PTK2: variants seen among roughly 807,000 people sequenced by gnomAD.
PTK2 encodes focal adhesion kinase 1.
PTK2 carries 45 observed loss-of-function variants against 150.1 expected under a neutral mutation model. That is an observed-to-expected ratio of 0.30 (90% confidence interval 0.24 to 0.38). The LOEUF (loss-of-function observed/expected upper bound fraction) is 0.38. PTK2 is among the 10% of genes least tolerant of loss of function. The probability of loss-of-function intolerance (pLI) is 1.00; values close to 1 mark genes in which losing one functional copy is unlikely to be tolerated. For missense variants in PTK2, 919 were observed against 1,307.3 expected (o/e 0.70, Z 4.58); for synonymous variants, 432 against 449.2 (o/e 0.96, Z 0.48).
chr8:140,738,932 T>C, intron 21 of PTK2, 86 bp downstream of exon 24: 1 of 921,916 alleles, frequency 1.1e-6, no homozygotes, highest in South Asian at 2.3e-5. Context: ...CAAATCAACC[T>C]ACATATTCCA....
At position 140,909,232 on chromosome 8, in the gene PTK2, T is replaced by C. The variant is rs547325730; in HGVS notation, c.-33+16429A>G. 1.9e-5 allele frequency: 3 copies of C among 154,396 alleles called. No homozygotes were observed. The East Asian group carries it at 5.8e-4, about 30-fold the overall frequency. 9.6% of individuals were successfully genotyped at this position (154,396 alleles called of 1,614,324 possible). ...GAAACTATACGCAGACAACCCACAGTAAGGATAATAATTTATTACAACAGC... is the reference window on the plus strand; with the variant it reads ...GAAACTATACGCAGACAACCCACAGCAAGGATAATAATTTATTACAACAGC... On this transcript the variant is annotated intron_variant, in intron 2 of 31. Coordinates refer to ENST00000522684, the Ensembl canonical transcript of PTK2.
chr8:140,763,814 T>C (rs973238635), intron 15 of PTK2, among the ~76,000 whole-genome samples: 2 of 152,200 alleles, frequency 1.3e-5, no homozygotes, highest in African/African-American at 4.8e-5. Context: ...AATTTTTGAA[T>C]ATATGTGTGT....
chr8:140,703,273 A>AG (rs1417699169), intron 24 of PTK2, among the ~76,000 whole-genome samples: 66 of 152,252 alleles, frequency 4.3e-4, no homozygotes, highest in African/African-American at 1.5e-3. Context: ...AAAAAAAAAA[A>AG]GAAAATAAAA....
chr8:140,850,857 A>G (rs748303231), intron 5 of PTK2, among the ~76,000 whole-genome samples: 1 of 152,270 alleles, frequency 6.6e-6, no homozygotes, highest in African/African-American at 2.4e-5. Context: ...GTTTTAATAT[A>G]AAAACTGTTC....
In PTK2 at chr8:140,872,230, C is replaced by T. The variant is rs987689476; in HGVS notation, c.362+7241G>A. Among the ~76,000 whole-genome samples, 4 of 151,128 alleles carry T rather than the reference C, an allele frequency of 2.6e-5. No homozygotes were observed. The East Asian group carries it at 6.0e-4, about 23-fold the overall frequency. ...TGGCTAATTTTTGTACTTTTGGTAG[C>T]GACGGGGTTTCACCATGTTGGCCAG... On this transcript the variant is annotated intron_variant, in intron 4 of 31. Transcript: ENST00000522684.
In PTK2 at chr8:140,981,939, T is replaced by C. The variant is rs577604233; in HGVS notation, c.-122+19186A>G. Reference sequence around the variant, plus strand: ...GAGCATTCTTGAAGAAGGTAGAGATTATCTCTACCTTATATTTTACACATA... The same window carrying C: ...GAGCATTCTTGAAGAAGGTAGAGATCATCTCTACCTTATATTTTACACATA... On this transcript the variant is annotated intron_variant, in intron 1 of 31. Coordinates refer to ENST00000522684, the Ensembl canonical transcript of PTK2. Among the ~76,000 whole-genome samples the C allele has an allele frequency of 6.6e-5, 10 of 152,298 alleles. No individual in the cohort carries two copies. In the South Asian group the frequency reaches 2.1e-3, roughly 32 times the overall value.
intron 27 of PTK2, among the ~76,000 whole-genome samples, chr8:140,676,082 A>G (rs2100013460): frequency 6.6e-6 from 1 of 152,224 alleles, no homozygotes; most frequent in Non-Finnish European, 1.5e-5. Flanking sequence ...TAACCACAAA[A>G]AAGAATACAA....
At position 140,882,955 on chromosome 8, in the gene PTK2, A is replaced by C. The variant is rs1047459980; in HGVS notation, c.196-3318T>G. ...AATAAAATTAATCTTATGATGATCA[A>C]TTTAATGACCAAAAAAACTTCCACA... On this transcript the variant is annotated intron_variant, in intron 3 of 31. Transcript: ENST00000522684. 4.6e-5 allele frequency among the ~76,000 whole-genome samples: 7 copies of C among 152,348 alleles called. No individual in the cohort carries two copies. In the East Asian group the frequency reaches 1.3e-3, roughly 29 times the overall value.
intron 29 of PTK2, 59 bp from the exon 34 acceptor site, chr8:140,668,483 C>A: frequency 6.5e-7 from 1 of 1,537,838 alleles, no homozygotes; most frequent in East Asian, 2.3e-5. Context: ...GAGATCACCA[C>A]AATCAAGCTA....
At chr8:140,748,588 T>C (rs2100060941) in intron 17 of PTK2, among the ~76,000 whole-genome samples, 2 of 152,044 alleles carry the variant, frequency 1.3e-5, no homozygotes, top group Admixed American at 6.6e-5. Context: ...GCATACTTTG[T>C]TTATGGTCCT....
chr8:140,831,877 C>G (rs1003276758), intron 7 of PTK2, among the ~76,000 whole-genome samples: 5 of 152,114 alleles, frequency 3.3e-5, no homozygotes, highest in Non-Finnish European at 7.4e-5. Context: ...ATTTTGCCTC[C>G]TAAAAACACA....
chr8:140,933,856 T>TA (rs984519784), intron 1 of PTK2, among the ~76,000 whole-genome samples: 11 of 150,092 alleles, frequency 7.3e-5, no homozygotes, highest in African/African-American at 1.2e-4. Flanking sequence ...TACGTCAATT[T>TA]AAAAAAAAAG....
intron 20 of PTK2, among the ~76,000 whole-genome samples, chr8:140,742,913 G>T (rs2100056564): frequency 6.6e-6 from 1 of 152,162 alleles, no homozygotes; most frequent in Non-Finnish European, 1.5e-5. Context: ...CTGGTGTCAA[G>T]TCTAAGGATC....
At chr8:140,769,676 G>C in intron 14 of PTK2, 84 bp from the exon 16 acceptor site, 12 of 837,242 alleles carry the variant, frequency 1.4e-5, no homozygotes, top group Non-Finnish European at 1.9e-5. Flanking sequence ...GAAGAGAGGG[G>C]AAAACACTAT....
chr8:140,948,777 G>C (rs2100178543), intron 1 of PTK2: 1 of 152,134 alleles, frequency 6.6e-6, no homozygotes. Flanking sequence ...AGCATGTACT[G>C]ATGCTTTTCT....
intron 1 of PTK2, among the ~76,000 whole-genome samples, chr8:140,995,388 A>G: frequency 6.6e-6 from 1 of 151,268 alleles, no homozygotes; most frequent in African/African-American, 2.4e-5. Context: ...TCTCAAAAAA[A>G]AAAAAAAAAA....
chr8:140,827,252 C>A (rs1337454399), intron 8 of PTK2, among the ~76,000 whole-genome samples: 2 of 152,168 alleles, frequency 1.3e-5, no homozygotes, highest in African/African-American at 4.8e-5. Flanking sequence ...CTCTACTCAA[C>A]CAAAACCCCC....
At chr8:140,732,250 A>G (rs1358473753) in intron 22 of PTK2, among the ~76,000 whole-genome samples, 1 of 152,218 alleles carries the variant, frequency 6.6e-6, no homozygotes, top group Non-Finnish European at 1.5e-5. Flanking sequence ...TTGGTAGCCT[A>G]ATTGTATATG....
At chr8:140,976,286 A>T (rs1472960663) in intron 1 of PTK2, among the ~76,000 whole-genome samples, 1 of 152,182 alleles carries the variant, frequency 6.6e-6, no homozygotes. Context: ...ATACCTAGAC[A>T]CTTCAATTAC....
Sources: allele counts gnomAD v4.1 joint callset (sites outside exome capture counted in the v4.1 genomes callset), GRCh38; gene constraint gnomAD v4.1.1; transcripts MANE v1.5; gene names NCBI Gene and HGNC (gene_info 2026-07-23, HGNC 2026-07-21).